The following DACH2 variants were observed in gnomAD, a reference collection of about 807,000 sequenced individuals.
DACH2 encodes the protein dachshund homolog 2.
A neutral mutation model predicts 35.8 loss-of-function variants in DACH2; 17 were observed. The observed-to-expected ratio is 0.48, with a 90% CI of 0.33 to 0.71. DACH2 has a LOEUF of 0.71. DACH2 is among the 30% of genes least tolerant of loss of function. DACH2 has a pLI of 0.02. For missense variants in DACH2, 469 were observed against 472.7 expected (o/e 0.99, Z 0.07); for synonymous variants, 195 against 177.3 (o/e 1.10, Z -0.79).
At chrX:86,228,650 G>A (rs777669689) in intron 1 of DACH2, among the ~76,000 whole-genome samples, 2 of 110,855 alleles carry the variant, frequency 1.8e-5, no homozygotes, top group South Asian at 7.5e-4. Context: ...TTTGATTATG[G>A]CCATTCTTAC....
At chrX:86,281,437 A>G (rs1404077924) in intron 1 of DACH2, among the ~76,000 whole-genome samples, 1 of 111,705 alleles carries the variant, frequency 9.0e-6, no homozygotes, top group African/African-American at 3.3e-5. Flanking sequence ...AAGGCCTTCA[A>G]TAAAATTCAA....
rs372693210 is a variant in DACH2 at position 86,434,902 on chromosome X, T to C, written c.527+58040T>C. On this transcript the variant is annotated intron_variant, in intron 2 of 11. Coordinates refer to ENST00000373125, the MANE Select transcript of DACH2 (RefSeq NM_053281.3). ...GTAAAGAGAGAGCAGGCACATCGCA[T>C]AGCAAAAGCAGGAGAACGTGAGAGA... is the stretch of plus-strand genomic sequence containing the variant. Among the ~76,000 whole-genome samples the C allele has an allele frequency of 2.6e-4, 29 of 110,929 alleles. No individual in the cohort carries two copies. In the East Asian group the frequency reaches 3.2e-3, roughly 12 times the overall value.
intron 2 of DACH2, among the ~76,000 whole-genome samples, chrX:86,428,282 T>C (rs2036926694): frequency 8.9e-6 from 1 of 111,920 alleles, no homozygotes; most frequent in Non-Finnish European, 1.9e-5. Flanking sequence ...GCCTTTGAAA[T>C]TAATATTGTA....
At chrX:86,242,276 G>A (rs5967692) in intron 1 of DACH2, among the ~76,000 whole-genome samples, 9,647 of 112,267 alleles carry the variant, frequency 0.086, 1,027 homozygotes, top group African/African-American at 0.29. Context: ...AAGGCCTTAC[G>A]AGCCCACCCC....
intron 4 of DACH2, among the ~76,000 whole-genome samples, chrX:86,672,507 G>A (rs2040776431): frequency 9.0e-6 from 1 of 111,552 alleles, no homozygotes; most frequent in Non-Finnish European, 1.9e-5. Context: ...GCTGCTCCCT[G>A]ATCCTAGCTG....
intron 3 of DACH2, among the ~76,000 whole-genome samples, chrX:86,636,609 A>T (rs1459195732): frequency 9.0e-6 from 1 of 111,719 alleles, no homozygotes. Flanking sequence ...AGCAATGGGG[A>T]AAGAACTGCC....
chrX:86,805,345 T>C (rs1051435230), intron 7 of DACH2, among the ~76,000 whole-genome samples: 8 of 112,446 alleles, frequency 7.1e-5, no homozygotes, highest in Admixed American at 1.9e-4. Context: ...GGAGCAGTGT[T>C]CTGAGGCTAC....
At chrX:86,722,639 C>G (rs912975581) in intron 6 of DACH2, among the ~76,000 whole-genome samples, 1 of 111,447 alleles carries the variant, frequency 9.0e-6, no homozygotes, top group Non-Finnish European at 1.9e-5. Context: ...CTGAGATTAT[C>G]ACATTTATTG....
intron 1 of DACH2, among the ~76,000 whole-genome samples, chrX:86,258,806 G>A (rs1569319526): frequency 9.0e-6 from 1 of 111,553 alleles, no homozygotes; most frequent in Non-Finnish European, 1.9e-5. Context: ...CCATGTTAGT[G>A]GTGACAAGAC....
intron 3 of DACH2, among the ~76,000 whole-genome samples, chrX:86,594,906 T>G (rs926306085): frequency 2.7e-5 from 3 of 111,758 alleles, no homozygotes; most frequent in African/African-American, 9.8e-5. Flanking sequence ...TGGGTTCATT[T>G]TTTTACCCTT....
chrX:86,503,217 G>A (rs915905876), intron 2 of DACH2, among the ~76,000 whole-genome samples: 7 of 111,703 alleles, frequency 6.3e-5, no homozygotes, highest in Middle Eastern at 4.6e-3. Context: ...GCATTGAACC[G>A]TGAATGTAAG....
At chrX:86,325,912 C>A (rs1466107971) in intron 1 of DACH2, among the ~76,000 whole-genome samples, 9 of 107,349 alleles carry the variant, frequency 8.4e-5, no homozygotes, top group Admixed American at 8.0e-4. Context: ...TCAGTTAAAT[C>A]AGTTTTTCTG....
At chrX:86,275,310 T>C (rs5968846) in intron 1 of DACH2, among the ~76,000 whole-genome samples, 5,326 of 112,298 alleles carry the variant, frequency 0.047, 312 homozygotes, top group African/African-American at 0.16. Flanking sequence ...CTTTCAAAAA[T>C]GAATTCATGT....
chrX:86,440,720 T>A (rs1231884043), intron 2 of DACH2, among the ~76,000 whole-genome samples: 2 of 111,747 alleles, frequency 1.8e-5, no homozygotes, highest in Non-Finnish European at 3.8e-5. Context: ...ATGTGTTTCT[T>A]TTATTTTGGT....
chrX:86,539,522 A>G (rs1041174805), intron 3 of DACH2, among the ~76,000 whole-genome samples: 1 of 111,626 alleles, frequency 9.0e-6, no homozygotes, highest in African/African-American at 3.3e-5. Flanking sequence ...TTCATTTCAT[A>G]TTAATTTAAG....
At chrX:86,428,068 T>C (rs769598407) in intron 2 of DACH2, among the ~76,000 whole-genome samples, 1 of 112,071 alleles carries the variant, frequency 8.9e-6, no homozygotes, top group Admixed American at 9.5e-5. Flanking sequence ...CTACCTGTCC[T>C]ATTTAAAAAT....
At chrX:86,540,969 T>C (rs1296860543) in intron 3 of DACH2, among the ~76,000 whole-genome samples, 2 of 112,013 alleles carry the variant, frequency 1.8e-5, no homozygotes, top group African/African-American at 6.5e-5. Context: ...TCTCACTTTA[T>C]AGTTCTTATG....
At chrX:86,379,125 C>T (rs2036009441) in intron 2 of DACH2, among the ~76,000 whole-genome samples, 1 of 111,090 alleles carries the variant, frequency 9.0e-6, no homozygotes, top group African/African-American at 3.3e-5. Context: ...ATGTGTATAA[C>T]ATGTGTTGTT....
chrX:86,699,490 A>G (rs756307119), intron 5 of DACH2, among the ~76,000 whole-genome samples: 2 of 111,609 alleles, frequency 1.8e-5, no homozygotes, highest in Non-Finnish European at 3.8e-5. Flanking sequence ...GCTTATCCTT[A>G]TAAAACCATC....
Sources: gnomAD v4.1 joint callset for allele counts (sites outside exome capture counted in the v4.1 genomes callset) on GRCh38, gnomAD v4.1.1 for gene constraint, MANE v1.5 for transcripts, NCBI Gene and HGNC (gene_info 2026-07-23, HGNC 2026-07-21) for gene names.